GLCCI1: variants seen among roughly 807,000 people sequenced by gnomAD.
The protein encoded by GLCCI1 is glucocorticoid induced 1.
A neutral mutation model predicts 52.2 loss-of-function variants in GLCCI1; 24 were observed. The observed-to-expected ratio is 0.46, with a 90% CI of 0.33 to 0.65. The LOEUF (loss-of-function observed/expected upper bound fraction) is 0.65, where lower values mean the gene tolerates loss of function less well. Among genes scored for constraint, GLCCI1 ranks in the 30% least tolerant of loss-of-function variants. GLCCI1 has a pLI of 0.02. For synonymous variants in GLCCI1, 310 were observed against 276.5 expected, an observed-to-expected ratio of 1.12 and a Z score of -1.20; for missense variants, 704 against 701.5, an observed-to-expected ratio of 1.00 and a Z score of -0.04.
chr7:7,983,740 G>T (rs1278655665), intron 1 of GLCCI1, among the ~76,000 whole-genome samples: 2 of 152,160 alleles, frequency 1.3e-5, no homozygotes, highest in Non-Finnish European at 2.9e-5. Flanking sequence ...TCTGACAAAG[G>T]TTAAAACTAA....
At chr7:8,027,336 A>T (rs1464004421) in intron 3 of GLCCI1, among the ~76,000 whole-genome samples, 1 of 152,128 alleles carries the variant, frequency 6.6e-6, no homozygotes, top group East Asian at 1.9e-4. Flanking sequence ...AAAAATACAA[A>T]AATTAGCTGG....
intron 3 of GLCCI1, among the ~76,000 whole-genome samples, chr7:8,024,158 G>T (rs1781562014): frequency 6.6e-6 from 1 of 151,790 alleles, no homozygotes; most frequent in African/African-American, 2.4e-5. Context: ...AGGCCTCTTT[G>T]TATAATTTTT....
chr7:8,058,652 TTAAGTATTTAAATGTGAAAAAC>T (rs879682275), intron 4 of GLCCI1, among the ~76,000 whole-genome samples: 1 of 152,078 alleles, frequency 6.6e-6, no homozygotes, highest in Non-Finnish European at 1.5e-5. Context: ...TCATGATAGG[TTAAGTATTTAAATGTGAAAAAC>T]TGTAAAAATC....
At chr7:8,064,196 G>A (rs1782580927) in intron 5 of GLCCI1, among the ~76,000 whole-genome samples, 2 of 152,244 alleles carry the variant, frequency 1.3e-5, no homozygotes, top group African/African-American at 2.4e-5. Flanking sequence ...GTCCAGAATG[G>A]TAATTCCTGG....
At chr7:8,085,125 T>TGAAACACATTA in intron 7 of GLCCI1, 108 bp downstream of exon 7, 1 of 1,245,162 alleles carries the variant, frequency 8.0e-7, no homozygotes, top group Non-Finnish European at 1.1e-6. Context: ...GATAATGTGT[T>TGAAACACATTA]TCAAGAGCAA....
In GLCCI1 at chr7:7,969,217, T is replaced by A; in HGVS notation, c.-134T>A. Reference sequence around the variant, plus strand: ...TGGGGAGGGGGAGCCCCGAGACTCCTCCCCCACAGCGATACCCCCGCCCCT... The same window carrying A: ...TGGGGAGGGGGAGCCCCGAGACTCCACCCCCACAGCGATACCCCCGCCCCT... On this transcript the variant is annotated 5_prime_UTR_variant, in exon 1 of 8. Coordinates refer to ENST00000223145, the MANE Select transcript of GLCCI1 (RefSeq NM_138426.4). The surrounding 1 kb of genome is among the most constrained non-coding windows in gnomAD (Gnocchi z 4.9). The A allele has an allele frequency of 1.8e-6, 1 of 568,282 alleles. No homozygotes were observed. Among genetic ancestry groups the A allele is most frequent in the Non-Finnish European group, 2.3e-6 (1 of 435,540 alleles). 35.2% of individuals were successfully genotyped at this position (568,282 alleles called of 1,614,324 possible).
At position 8,045,483 on chromosome 7, in the gene GLCCI1, C is replaced by G. The variant is rs1361260630; in HGVS notation, c.697-9950C>G. Among the ~76,000 whole-genome samples the G allele has an allele frequency of 3.9e-5, 6 of 152,264 alleles. No individual in the cohort carries two copies. In the East Asian group the frequency reaches 1.2e-3, roughly 29 times the overall value. On this transcript the variant is annotated intron_variant, in intron 3 of 7. Transcript: ENST00000223145. ...CCTATTGTACAGAAACCTAGGTAAT[C>G]TTCACGGGAAAGAGAACCAAAAGTA...
chr7:8,021,854 C>G (rs890356074), intron 2 of GLCCI1, among the ~76,000 whole-genome samples: 1 of 152,108 alleles, frequency 6.6e-6, no homozygotes, highest in East Asian at 1.9e-4. Flanking sequence ...ATTCTGTTTT[C>G]TGACATATGG....
intron 5 of GLCCI1, among the ~76,000 whole-genome samples, chr7:8,069,506 A>G (rs377152422): frequency 1.3e-5 from 2 of 152,218 alleles, no homozygotes; most frequent in East Asian, 3.9e-4. Context: ...ATGTTCAGCC[A>G]GGGGGTGGGG....
At chr7:8,037,007 C>T (rs1319552301) in intron 3 of GLCCI1, among the ~76,000 whole-genome samples, 1 of 152,132 alleles carries the variant, frequency 6.6e-6, no homozygotes, top group Non-Finnish European at 1.5e-5. Flanking sequence ...ATAATTCTCT[C>T]ATCTTACTAG....
intron 2 of GLCCI1, among the ~76,000 whole-genome samples, chr7:8,011,505 A>C (rs115190803): frequency 7.2e-5 from 11 of 152,204 alleles, no homozygotes; most frequent in African/African-American, 2.4e-4. Context: ...ATAATATTCC[A>C]TTAGATATAC....
At chr7:8,041,811 C>T (rs566399410) in intron 3 of GLCCI1, among the ~76,000 whole-genome samples, 2 of 151,906 alleles carry the variant, frequency 1.3e-5, no homozygotes, top group South Asian at 2.1e-4. Flanking sequence ...AGACTGGTCT[C>T]GAACTCCTGG....
intron 6 of GLCCI1, among the ~76,000 whole-genome samples, chr7:8,075,255 G>A (rs1782852383): frequency 6.6e-6 from 1 of 152,120 alleles, no homozygotes. Context: ...CAAGTGAATG[G>A]GTTTTTGGCG....
intron 1 of GLCCI1, chr7:7,981,003 G>A: frequency 1.9e-6 from 1 of 539,362 alleles, no homozygotes; most frequent in East Asian, 4.4e-5. Flanking sequence ...TCAAACGAAG[G>A]TCAGCCGAAG....
At chr7:7,989,355 A>C (rs1050440457) in intron 1 of GLCCI1, among the ~76,000 whole-genome samples, 2 of 152,138 alleles carry the variant, frequency 1.3e-5, no homozygotes, top group African/African-American at 4.8e-5. Flanking sequence ...TGCATCTGTC[A>C]ATGCAAGAGA....
chr7:8,065,929 A>G (rs1162341023), intron 5 of GLCCI1, among the ~76,000 whole-genome samples: 1 of 152,220 alleles, frequency 6.6e-6, no homozygotes, highest in Non-Finnish European at 1.5e-5. Flanking sequence ...TTAGTTAAGG[A>G]GAAGTCCCTC....
intron 2 of GLCCI1, among the ~76,000 whole-genome samples, chr7:8,007,805 A>G (rs1370899822): frequency 6.6e-6 from 1 of 152,198 alleles, no homozygotes; most frequent in African/African-American, 2.4e-5. Flanking sequence ...AGAGCTTGAC[A>G]TAAAAAAATT....
At chr7:8,044,761 T>A (rs1359045931) in intron 3 of GLCCI1, among the ~76,000 whole-genome samples, 1 of 152,246 alleles carries the variant, frequency 6.6e-6, no homozygotes, top group Admixed American at 6.5e-5. Context: ...AGCACTTGTA[T>A]ATAATTTGCC....
chr7:8,074,387 C>T (rs1159690753), intron 6 of GLCCI1, among the ~76,000 whole-genome samples: 1 of 152,102 alleles, frequency 6.6e-6, no homozygotes, highest in African/African-American at 2.4e-5. Flanking sequence ...AAGGCCCAAA[C>T]TCTGGGTTTT....
Sources: allele counts gnomAD v4.1 joint callset (sites outside exome capture counted in the v4.1 genomes callset), GRCh38; gene constraint gnomAD v4.1.1; non-coding constraint Gnocchi (gnomAD v3.1); transcripts MANE v1.5; gene names NCBI Gene and HGNC (gene_info 2026-07-23, HGNC 2026-07-21).